NR2E1: variants seen among roughly 807,000 people sequenced by gnomAD.
NR2E1 encodes nuclear receptor TLX.
NR2E1 carries 5 observed loss-of-function variants against 43.6 expected under a neutral mutation model. The ratio of observed to expected loss-of-function variants is 0.11; its 90% CI spans 0.06 to 0.24. The LOEUF is 0.24. Ranked by LOEUF, NR2E1 falls within the 10% of genes least tolerant of loss-of-function variation. The probability of loss-of-function intolerance (pLI) is 1.00; values close to 1 mark genes in which losing one functional copy is unlikely to be tolerated. For missense variants in NR2E1, 287 were observed against 496.7 expected, an observed-to-expected ratio of 0.58 and a Z score of 4.01; for synonymous variants, 191 against 195.5, an observed-to-expected ratio of 0.98 and a Z score of 0.19.
At chr6:108,175,025 C>T (rs1245852347) in intron 3 of NR2E1, 102 bp downstream of exon 3, 5 of 1,105,388 alleles carry the variant, frequency 4.5e-6, no homozygotes, top group Non-Finnish European at 6.8e-6. Flanking sequence ...AACCCCGGAG[C>T]GCTTCTTTCC....
intron 5 of NR2E1, 81 bp downstream of exon 5, chr6:108,178,322 C>T (rs1437230190): frequency 3.6e-5 from 53 of 1,460,462 alleles, no homozygotes. Context: ...TTCCTCTATC[C>T]CTGGGTAAAC....
intron 7 of NR2E1, 86 bp from the exon 8 acceptor site, chr6:108,181,459 GC>G: frequency 9.0e-7 from 1 of 1,114,292 alleles, no homozygotes; most frequent in Non-Finnish European, 1.4e-6. Flanking sequence ...CTCCCAAAGT[GC>G]TGGGATTACA....
intron 8 of NR2E1, among the ~76,000 whole-genome samples, chr6:108,182,820 G>A (rs965252235): frequency 6.6e-6 from 1 of 151,690 alleles, no homozygotes. Flanking sequence ...ACCTCCCAAA[G>A]TGCTGGGATT....
intron 2 of NR2E1, among the ~76,000 whole-genome samples, chr6:108,173,573 C>T (rs758454649): frequency 1.3e-5 from 2 of 152,088 alleles, no homozygotes; most frequent in East Asian, 1.9e-4. Context: ...AAACTGCATT[C>T]GAATGTGTAA....
In NR2E1 at chr6:108,174,815, ACCT is replaced by A. The variant is rs1227601899; in HGVS notation, c.172-17_172-15del. On this transcript the variant is annotated intron_variant, in intron 2 of 8. Coordinates refer to ENST00000368986, the MANE Select transcript of NR2E1 (RefSeq NM_003269.5). ...AGCCTAAAGGCCCTGGGGACCGCTGACCTCCTGCTCTCTGTTCCAGGGAGGCTG... is the reference window on the plus strand; with the variant it reads ...AGCCTAAAGGCCCTGGGGACCGCTGACCTGCTCTCTGTTCCAGGGAGGCTG... 6.2e-7 allele frequency: 1 copy of A among 1,610,078 alleles called. No individual in the cohort carries two copies. Among genetic ancestry groups the A allele is most frequent in the Non-Finnish European group, 8.5e-7 (1 of 1,176,560 alleles).
chr6:108,184,156 C>T (rs1042063014), intron 8 of NR2E1, among the ~76,000 whole-genome samples: 2 of 152,160 alleles, frequency 1.3e-5, no homozygotes, highest in African/African-American at 2.4e-5. Context: ...TGTGCCACTG[C>T]ACTCCAGCCC....
intron 1 of NR2E1, among the ~76,000 whole-genome samples, chr6:108,167,697 A>C (rs755846836): frequency 7.2e-5 from 11 of 152,094 alleles, no homozygotes; most frequent in Non-Finnish European, 1.2e-4. Context: ...CCAGGGTCTG[A>C]GGCTGGGGAC....
intron 2 of NR2E1, among the ~76,000 whole-genome samples, chr6:108,172,116 A>C (rs1023153498): frequency 6.6e-6 from 1 of 152,184 alleles, no homozygotes; most frequent in African/African-American, 2.4e-5. Context: ...GAGACCACCA[A>C]GTGAGTGCTA....
At position 108,174,938 on chromosome 6, in the gene NR2E1, C is replaced by A; in HGVS notation, c.259+15C>A. On this transcript the variant is annotated intron_variant, in intron 3 of 8. Coordinates refer to ENST00000368986, the MANE Select transcript of NR2E1 (RefSeq NM_003269.5). The stretch of plus-strand genomic sequence containing the variant: ...GAACAAAGACGGTAATCAGTGCATC[C>A]CTTTATTCCAATGTTGATTGAGTAG... 1 of 1,609,308 alleles carries A rather than the reference C, an allele frequency of 6.2e-7. No individual in the cohort carries two copies. The highest frequency in any genetic ancestry group is 1.1e-5 in the South Asian group (1 of 90,982).
Position 108,166,078 on chromosome 6 carries a change from A to T in NR2E1, c.-688A>T, listed in dbSNP as rs1773703897. On this transcript the variant is annotated 5_prime_UTR_variant, in exon 1 of 9. Coordinates refer to ENST00000368986, the MANE Select transcript of NR2E1 (RefSeq NM_003269.5). The surrounding 1 kb of genome is among the most constrained non-coding windows in gnomAD (Gnocchi z 7.2). ...CTTCTGGAGATATTACAGGGGACCC[A>T]GCCCGCAGCGACAGGCACAAAGTCA... 1 of 152,736 alleles carries T rather than the reference A, an allele frequency of 6.5e-6. No individual in the cohort carries two copies. 9.5% of individuals were successfully genotyped at this position (152,736 alleles called of 1,614,324 possible).
At position 108,180,328 on chromosome 6, in the gene NR2E1, G is replaced by T; in HGVS notation, c.648G>T (p.Met216Ile). 6.2e-7 allele frequency: 1 copy of T among 1,605,190 alleles called. No individual in the cohort carries two copies. ...ATACATCTATTGTATGACAGCTGAT[G>T]CTTTTGGAAGATGCTTGGAGAGAAC... ...FSTLSLQDQLMLLEDAWRELF... is the reference protein window; with the variant it reads ...FSTLSLQDQLILLEDAWRELF... The change falls in exon 6 of 9, where the codon ATG becomes ATT. Residue 216 changes from methionine to isoleucine, a missense_variant. By Grantham distance (10) the Met-to-Ile change is conservative (BLOSUM62 1). This residue lies in a region of NR2E1 where 119 missense variants were observed against 155.7 expected (regional missense o/e 0.76). Transcript: ENST00000368986. The surrounding 1 kb of genome is among the most constrained non-coding windows in gnomAD (Gnocchi z 5.4).
At chr6:108,171,385 C>G (rs562555980) in intron 1 of NR2E1, 73 bp from the exon 2 acceptor site, 25 of 1,527,678 alleles carry the variant, frequency 1.6e-5, no homozygotes, top group East Asian at 2.2e-5. Flanking sequence ...TCCCTCTCCC[C>G]TTTTCTCCCT....
At chr6:108,167,915 C>T in intron 1 of NR2E1, 4 of 1,189,446 alleles carry the variant, frequency 3.4e-6, no homozygotes, top group East Asian at 2.6e-5. Flanking sequence ...ATGCAATTCC[C>T]GCCCTCCTAC....
At chr6:108,184,075 C>A (rs999368294) in intron 8 of NR2E1, among the ~76,000 whole-genome samples, 1 of 152,098 alleles carries the variant, frequency 6.6e-6, no homozygotes, top group Non-Finnish European at 1.5e-5. Context: ...ACCTGTAGTC[C>A]CAGCTACTCA....
chr6:108,182,811 C>A (rs1774015225), intron 8 of NR2E1, among the ~76,000 whole-genome samples: 1 of 152,042 alleles, frequency 6.6e-6, no homozygotes, highest in Non-Finnish European at 1.5e-5. Context: ...CCTGCCTTGA[C>A]CTCCCAAAGT....
Position 108,166,683 on chromosome 6 carries a change from C to T in NR2E1, c.-83C>T, listed in dbSNP as rs562097574. The T allele has an allele frequency of 8.0e-5, 97 of 1,207,622 alleles. 5 individuals are homozygous for T. The South Asian group carries it at 1.5e-3, about 18-fold the overall frequency. The allele number at this position is 1,207,622 out of a possible 1,614,324, so 74.8% of individuals were successfully genotyped here. A position where few individuals can be genotyped will look rare whatever the true frequency, so the allele number is the denominator to read the frequency against. On this transcript the variant is annotated 5_prime_UTR_variant, in exon 1 of 9. Transcript: ENST00000368986. This position sits in a 1 kb window ranked among gnomAD's most constrained non-coding sequence, Gnocchi z 7.2. ...TGCAGGCTGGAGGGCAGCTGGAGAGCGGCGGCGCCCGGCGGCGAGGCGGGC... is the reference window on the plus strand; with the variant it reads ...TGCAGGCTGGAGGGCAGCTGGAGAGTGGCGGCGCCCGGCGGCGAGGCGGGC...
intron 2 of NR2E1, among the ~76,000 whole-genome samples, 185 bp from the exon 3 acceptor site, chr6:108,174,651 A>C (rs1311222568): frequency 6.6e-6 from 1 of 152,110 alleles, no homozygotes; most frequent in African/African-American, 2.4e-5. Flanking sequence ...GGGACGTCCC[A>C]GCCCCTTCTC....
chr6:108,184,675 G>A (rs1025601912), intron 8 of NR2E1, among the ~76,000 whole-genome samples: 1 of 152,178 alleles, frequency 6.6e-6, no homozygotes, highest in Non-Finnish European at 1.5e-5. Flanking sequence ...CCAGAGAGGT[G>A]AGTGAGGAGG....
At chr6:108,176,778 G>C in intron 4 of NR2E1, 40 bp downstream of exon 4, 1 of 1,515,040 alleles carries the variant, frequency 6.6e-7, no homozygotes, top group Non-Finnish European at 8.9e-7. Context: ...TCGTGCCAGC[G>C]AATGGAGAGG....
Sources: gnomAD v4.1 joint callset for allele counts (sites outside exome capture counted in the v4.1 genomes callset) on GRCh38, gnomAD v4.1.1 for gene constraint, gnomAD v4.1.1 regional missense constraint, Gnocchi (gnomAD v3.1) non-coding constraint, MANE v1.5 for transcripts, NCBI Gene and HGNC (gene_info 2026-07-23, HGNC 2026-07-21) for gene names.